PSD3: variants seen among roughly 807,000 people sequenced by gnomAD.
PSD3 encodes PH and SEC7 domain-containing protein 3.
PSD3 carries 49 observed loss-of-function variants against 105.5 expected under a neutral mutation model. The observed-to-expected ratio is 0.46, with a 90% CI of 0.37 to 0.59. The LOEUF is 0.59. Ranked by LOEUF, PSD3 falls within the 20% of genes least tolerant of loss-of-function variation. The probability of loss-of-function intolerance (pLI) is 0.00; values close to 1 mark genes in which losing one functional copy is unlikely to be tolerated. For missense variants in PSD3, 1,561 were observed against 1,263.8 expected (o/e 1.24, Z -3.57); for synonymous variants, 557 against 457.8 (o/e 1.22, Z -2.77).
At chr8:18,717,811 T>C (rs1261510210) in intron 9 of PSD3, among the ~76,000 whole-genome samples, 1 of 152,192 alleles carries the variant, frequency 6.6e-6, no homozygotes, top group Non-Finnish European at 1.5e-5. Flanking sequence ...ATCTGAACTA[T>C]TCATTTTCTT....
At chr8:18,969,780 G>C (rs905994718) in intron 1 of PSD3, among the ~76,000 whole-genome samples, 3 of 152,048 alleles carry the variant, frequency 2.0e-5, no homozygotes, top group African/African-American at 7.2e-5. Flanking sequence ...AAAAATTCTA[G>C]TCACGAGGAG....
chr8:18,629,256 T>C (rs956831896), intron 11 of PSD3, among the ~76,000 whole-genome samples: 5 of 151,936 alleles, frequency 3.3e-5, no homozygotes, highest in Admixed American at 2.0e-4. Context: ...TATATAGGTA[T>C]AAGGGATGCA....
intron 1 of PSD3, among the ~76,000 whole-genome samples, chr8:18,960,792 C>A (rs180916304): frequency 2.6e-5 from 4 of 152,132 alleles, no homozygotes; most frequent in Non-Finnish European, 5.9e-5. Context: ...GGTAATCATA[C>A]TCTTAAAGAC....
At chr8:19,045,210 GAAAGAA>G (rs1424460279) in intron 1 of PSD3, among the ~76,000 whole-genome samples, 2 of 151,648 alleles carry the variant, frequency 1.3e-5, no homozygotes, top group Admixed American at 6.6e-5. Context: ...AACCCAGAAA[GAAAGAA>G]AAAGAAAAAG....
At chr8:18,837,931 C>T (rs1814256801) in intron 4 of PSD3, among the ~76,000 whole-genome samples, 2 of 152,004 alleles carry the variant, frequency 1.3e-5, no homozygotes, top group South Asian at 4.1e-4. Flanking sequence ...TGCCAGTTGT[C>T]TATCAGGCAG....
intron 15 of PSD3, among the ~76,000 whole-genome samples, chr8:18,544,870 C>T (rs1460727555): frequency 6.6e-6 from 1 of 152,150 alleles, no homozygotes; most frequent in Non-Finnish European, 1.5e-5. Context: ...GTTTCCTGGA[C>T]AGGCCCTTCA....
chr8:18,930,285 T>G (rs11786514), intron 2 of PSD3, among the ~76,000 whole-genome samples: 45,701 of 151,952 alleles, frequency 0.3, 7,389 homozygotes, highest in African/African-American at 0.41. Flanking sequence ...GAGACTCCAG[T>G]GCATACTGCA....
At chr8:18,700,698 T>G (rs561152023) in intron 9 of PSD3, among the ~76,000 whole-genome samples, 1 of 152,188 alleles carries the variant, frequency 6.6e-6, no homozygotes, top group Non-Finnish European at 1.5e-5. Context: ...CGTAGAATAC[T>G]GCAACTTCCT....
At chr8:18,891,794 G>A (rs1048542392) in intron 2 of PSD3, among the ~76,000 whole-genome samples, 7 of 152,106 alleles carry the variant, frequency 4.6e-5, no homozygotes, top group Non-Finnish European at 1.0e-4. Context: ...ATAATCAAAA[G>A]AGGATCCCTA....
chr8:18,725,830 G>C (rs996909951), intron 9 of PSD3, among the ~76,000 whole-genome samples: 4 of 152,120 alleles, frequency 2.6e-5, no homozygotes, highest in African/African-American at 7.2e-5. Flanking sequence ...AGTTATAAAA[G>C]AGAGGGGAAG....
At chr8:18,928,401 T>A (rs1821514163) in intron 2 of PSD3, among the ~76,000 whole-genome samples, 1 of 152,220 alleles carries the variant, frequency 6.6e-6, no homozygotes, top group South Asian at 2.1e-4. Context: ...CTTTCCTTTA[T>A]AAATTACCCA....
chr8:18,610,494 G>T (rs1260361461), intron 11 of PSD3, among the ~76,000 whole-genome samples: 1 of 152,156 alleles, frequency 6.6e-6, no homozygotes, highest in African/African-American at 2.4e-5. Context: ...TTCTGACCAC[G>T]AGGCATCCTT....
At chr8:18,773,567 G>C (rs562808811) in intron 8 of PSD3, among the ~76,000 whole-genome samples, 17 of 152,060 alleles carry the variant, frequency 1.1e-4, no homozygotes, top group Non-Finnish European at 2.4e-4. Flanking sequence ...ACTTTGTATA[G>C]TATAATATAT....
chr8:18,540,129 G>T (rs2050183973), intron 15 of PSD3, among the ~76,000 whole-genome samples: 1 of 152,340 alleles, frequency 6.6e-6, no homozygotes, highest in Admixed American at 6.5e-5. Flanking sequence ...TTTGGCCCCT[G>T]ACATGTAAGT....
intron 9 of PSD3, among the ~76,000 whole-genome samples, chr8:18,751,135 G>A (rs1211796932): frequency 2.6e-5 from 4 of 152,122 alleles, no homozygotes; most frequent in African/African-American, 7.2e-5. Flanking sequence ...AGGAACCCAC[G>A]GAGGCGGGGA....
At chr8:19,063,516 G>A (rs933537665) in intron 1 of PSD3, among the ~76,000 whole-genome samples, 2 of 152,112 alleles carry the variant, frequency 1.3e-5, no homozygotes, top group Non-Finnish European at 1.5e-5. Flanking sequence ...ACAACCCCGC[G>A]ATCTGATTCT....
intron 9 of PSD3, among the ~76,000 whole-genome samples, chr8:18,731,890 G>C (rs898514873): frequency 6.6e-6 from 1 of 152,110 alleles, no homozygotes; most frequent in Non-Finnish European, 1.5e-5. Flanking sequence ...CTTCTGCTTT[G>C]TTTTCTGCCC....
intron 2 of PSD3, among the ~76,000 whole-genome samples, chr8:18,894,090 T>C (rs1377379825): frequency 1.3e-5 from 2 of 152,216 alleles, no homozygotes; most frequent in Non-Finnish European, 2.9e-5. Context: ...AAATATTCAG[T>C]AAGAATTAGC....
intron 14 of PSD3, among the ~76,000 whole-genome samples, chr8:18,565,266 C>A (rs928885711): frequency 1.5e-4 from 23 of 152,182 alleles, no homozygotes; most frequent in African/African-American, 5.3e-4. Flanking sequence ...TGTGAGCAGA[C>A]TGTGAACAGG....
Sources: gnomAD v4.1 joint callset for allele counts (sites outside exome capture counted in the v4.1 genomes callset) on GRCh38, gnomAD v4.1.1 for gene constraint, MANE v1.5 for transcripts, NCBI Gene and HGNC (gene_info 2026-07-23, HGNC 2026-07-21) for gene names.